The following HIBCH variants were observed in gnomAD, a reference collection of about 807,000 sequenced individuals.
The protein encoded by HIBCH is 3-hydroxyisobutyryl-CoA hydrolase.
Under a neutral mutation model 58.2 loss-of-function variants are expected in HIBCH, and 50 were observed. The ratio of observed to expected loss-of-function variants is 0.86; its 90% CI spans 0.68 to 1.09. The LOEUF is 1.09. HIBCH is among the 50% of genes least tolerant of loss of function. The pLI, the probability that HIBCH is intolerant of heterozygous loss-of-function variation, is 0.00. For missense variants in HIBCH, 450 were observed against 449.7 expected (o/e 1.00, Z -0.01); for synonymous variants, 151 against 146.9 (o/e 1.03, Z -0.20).
chr2:190,261,092 C>T, intron 7 of HIBCH, 64 bp downstream of exon 7: 2 of 1,215,694 alleles, frequency 1.6e-6, no homozygotes, highest in East Asian at 2.3e-5. Flanking sequence ...CAACAGTAAA[C>T]TCTGAAACAT....
At chr2:190,238,649 G>A (rs147013440) in intron 11 of HIBCH, among the ~76,000 whole-genome samples, 37 of 152,296 alleles carry the variant, frequency 2.4e-4, no homozygotes, top group Admixed American at 6.5e-4. Flanking sequence ...ACTTTTAGTA[G>A]AGACATGGTT....
chr2:190,249,798 ATCT>A (rs1686711221), intron 8 of HIBCH, 72 bp from the exon 9 acceptor site: 1 of 975,316 alleles, frequency 1.0e-6, no homozygotes. Flanking sequence ...TAAAAATCTC[ATCT>A]TCTTTTTTAG....
chr2:190,298,546 T>C (rs771202083), intron 2 of HIBCH, among the ~76,000 whole-genome samples: 52 of 152,194 alleles, frequency 3.4e-4, no homozygotes, highest in Non-Finnish European at 6.9e-4. Flanking sequence ...ATACATGTCG[T>C]CTTTTGAGAA....
At position 190,243,536 on chromosome 2, in the gene HIBCH, A is replaced by G. The variant is rs547096839; in HGVS notation, c.891+1351T>C. ...AACATTCCTGGAAGTTGTTAATATT[A>G]ACAATCTACTTTTGTGAGTTAGGCA... is the stretch of plus-strand genomic sequence containing the variant. On this transcript the variant is annotated intron_variant, in intron 11 of 13. Coordinates refer to ENST00000359678, the MANE Select transcript of HIBCH (RefSeq NM_014362.4). The surrounding 1 kb of genome is among the most constrained non-coding windows in gnomAD (Gnocchi z 4.1). Among the ~76,000 whole-genome samples the G allele has an allele frequency of 3.3e-4, 50 of 152,358 alleles. No homozygotes were observed. The South Asian group carries it at 9.7e-3, about 30-fold the overall frequency.
chr2:190,199,874 A>T (rs1205492882), downstream of HIBCH: 1 of 1,613,610 alleles, frequency 6.2e-7, no homozygotes. Flanking sequence ...GGCTGCATGA[A>T]ATCAAAGCAA....
chr2:190,192,356 T>A (rs977077004), intron 1 of HIBCH, among the ~76,000 whole-genome samples: 1 of 152,092 alleles, frequency 6.6e-6, no homozygotes, highest in Non-Finnish European at 1.5e-5. Context: ...TTTATAGTCA[T>A]TCTTAACATT....
intron 6 of HIBCH, among the ~76,000 whole-genome samples, chr2:190,282,033 A>G (rs375156024): frequency 1.3e-5 from 2 of 152,178 alleles, no homozygotes; most frequent in East Asian, 3.8e-4. Context: ...AAGAAGTTCC[A>G]CATTTTCCCC....
intron 11 of HIBCH, among the ~76,000 whole-genome samples, chr2:190,235,527 A>C (rs11888626): frequency 0.31 from 47,680 of 152,086 alleles, 8,631 homozygotes; most frequent in African/African-American, 0.48. Context: ...GTATGTTACA[A>C]TTTAAAAACA....
chr2:190,228,745 A>G (rs1310817016), intron 11 of HIBCH, among the ~76,000 whole-genome samples: 1 of 152,190 alleles, frequency 6.6e-6, no homozygotes, highest in African/African-American at 2.4e-5. Context: ...AGATTTGTTT[A>G]AAGATTAGGG....
At chr2:190,219,091 C>T (rs1031601151) in intron 11 of HIBCH, among the ~76,000 whole-genome samples, 9 of 152,212 alleles carry the variant, frequency 5.9e-5, no homozygotes, top group Non-Finnish European at 1.0e-4. Context: ...TGCCTTAGTT[C>T]ACTTGGCCAT....
chr2:190,303,173 A>T (rs1688313068), intron 2 of HIBCH, among the ~76,000 whole-genome samples: 1 of 152,198 alleles, frequency 6.6e-6, no homozygotes. Flanking sequence ...AGAAACAATT[A>T]GAGATATGCA....
intron 9 of HIBCH, among the ~76,000 whole-genome samples, chr2:190,247,697 T>A (rs1185296510): frequency 6.6e-6 from 1 of 152,174 alleles, no homozygotes; most frequent in Non-Finnish European, 1.5e-5. Context: ...GGTTTTTTAT[T>A]CCCAACTTTT....
rs1241807747 is a variant in HIBCH at position 190,236,448 on chromosome 2, C to T, written c.891+8439G>A. Among the ~76,000 whole-genome samples the T allele has an allele frequency of 6.6e-6, 1 of 152,128 alleles. No homozygotes were observed. Among genetic ancestry groups the T allele is most frequent in the African/African-American group, 2.4e-5 (1 of 41,436 alleles). On this transcript the variant is annotated intron_variant, in intron 11 of 13. Coordinates refer to ENST00000359678, the MANE Select transcript of HIBCH (RefSeq NM_014362.4). The surrounding 1 kb of genome is among the most constrained non-coding windows in gnomAD (Gnocchi z 4.1). Reference sequence around the variant, plus strand: ...AACTGTAAATATTTTTCTAAGTAATCATCTTAAACCTTACAAACATATATC... The same window carrying T: ...AACTGTAAATATTTTTCTAAGTAATTATCTTAAACCTTACAAACATATATC...
chr2:190,259,129 A>G (rs951099624), intron 7 of HIBCH, among the ~76,000 whole-genome samples: 3 of 152,036 alleles, frequency 2.0e-5, no homozygotes, highest in Non-Finnish European at 4.4e-5. Flanking sequence ...GAATTTTAGA[A>G]TTGTTTTTTC....
intron 1 of HIBCH, among the ~76,000 whole-genome samples, chr2:190,192,607 A>G (rs1689768498): frequency 6.6e-6 from 1 of 151,994 alleles, no homozygotes; most frequent in African/African-American, 2.4e-5. Context: ...TATACATGTT[A>G]ATTTGGGGAG....
chr2:190,227,597 T>G (rs1332917036), intron 11 of HIBCH, among the ~76,000 whole-genome samples: 1 of 151,646 alleles, frequency 6.6e-6, no homozygotes, highest in Non-Finnish European at 1.5e-5. Context: ...CAAAAGAAAC[T>G]ACCATCGGAG....
At chr2:190,200,423 T>A (rs1690195818), downstream of HIBCH, 1 of 320,962 alleles carries the variant, frequency 3.1e-6, no homozygotes. Context: ...CACTTCTTCC[T>A]AAGTAATGGC....
In HIBCH at chr2:190,306,445, C is replaced by T. The variant is rs1194108760; in HGVS notation, c.78+4309G>A. Among the ~76,000 whole-genome samples, 2 of 152,086 alleles carry T rather than the reference C, an allele frequency of 1.3e-5. No homozygotes were observed. The highest frequency in any genetic ancestry group is 2.9e-5 in the Non-Finnish European group (2 of 68,006). On this transcript the variant is annotated intron_variant, in intron 2 of 13. Coordinates refer to ENST00000359678, the MANE Select transcript of HIBCH (RefSeq NM_014362.4). The surrounding 1 kb of genome is among the most constrained non-coding windows in gnomAD (Gnocchi z 4.6). ...CCATGAAGAAGAAGGTAATGTCTTC[C>T]TCTGGGACAGACAGCAGACTTATTT... is the stretch of plus-strand genomic sequence containing the variant.
chr2:190,213,718 T>C (rs1320289103), intron 11 of HIBCH: 8 of 152,818 alleles, frequency 5.2e-5, no homozygotes, highest in Admixed American at 4.6e-4. Context: ...TTGCAATGCA[T>C]TGTGGGCTGC....
Sources: allele counts gnomAD v4.1 joint callset (sites outside exome capture counted in the v4.1 genomes callset), GRCh38; gene constraint gnomAD v4.1.1; non-coding constraint Gnocchi (gnomAD v3.1); transcripts MANE v1.5; gene names NCBI Gene and HGNC (gene_info 2026-07-23, HGNC 2026-07-21).